Variants in MYO15A observed in about 807,000 individuals in gnomAD.
The protein encoded by MYO15A is unconventional myosin-XV.
In MYO15A, 308 loss-of-function variants were observed where a neutral mutation model predicts 394.6. The observed-to-expected ratio is 0.78, with a 90% CI of 0.71 to 0.86. The LOEUF (loss-of-function observed/expected upper bound fraction) is 0.86. MYO15A is among the 40% of genes least tolerant of loss of function. The pLI, the probability that MYO15A is intolerant of heterozygous loss-of-function variation, is 0.00. For missense variants in MYO15A, 4,606 were observed against 4,799.1 expected, an observed-to-expected ratio of 0.96 and a Z score of 1.19; for synonymous variants, 1,957 against 2,003.8, an observed-to-expected ratio of 0.98 and a Z score of 0.62.
Position 18,120,893 on chromosome 17 carries a change from G to T in MYO15A, c.2093G>T (p.Arg698Leu). The stretch of plus-strand genomic sequence containing the variant: ...CCGGCCTCGCCCTACGGCTCCCTCC[G>T]CCGCCACCCGCCGCCCTGGGCCGCC... ...PRPASPYGSLRRHPPPWAAPA... is the reference protein window; with the variant it reads ...PRPASPYGSLLRHPPPWAAPA... Residue 698 changes from arginine to leucine, a missense_variant, in exon 2 of 66, where the codon CGC (arginine) becomes CTC (leucine). By Grantham distance (102) the Arg-to-Leu change is moderately radical. This residue lies in a region of MYO15A where 1,830 missense variants were observed against 1,689.7 expected (regional missense o/e 1.08). Transcript: ENST00000647165. The T allele has an allele frequency of 7.2e-7, 1 of 1,382,660 alleles. No homozygotes were observed. The highest frequency in any genetic ancestry group is 1.5e-5 in the African/African-American group (1 of 64,804). 85.6% of individuals were successfully genotyped at this position (1,382,660 alleles called of 1,614,324 possible). A position where few individuals can be genotyped will look rare whatever the true frequency, so the allele number is the denominator to read the frequency against.
intron 61 of MYO15A, 117 bp from the exon 62 acceptor site, chr17:18,167,473 C>A: frequency 6.6e-7 from 1 of 1,520,004 alleles, no homozygotes; most frequent in Non-Finnish European, 9.0e-7. Flanking sequence ...ATAGGCCATC[C>A]TACCCCAGAA....
chr17:18,125,158 G>T lies in MYO15A; in HGVS notation c.3693-10G>T, dbSNP rs2046009338. The T allele has an allele frequency of 2.5e-6, 4 of 1,614,046 alleles. No individual in the cohort carries two copies. In the East Asian group the frequency reaches 8.9e-5, roughly 36 times the overall value. On this transcript the variant is annotated splice_polypyrimidine_tract_variant and intron_variant, in intron 3 of 65. Transcript: ENST00000647165. ...GGGGGCACTGACGGCTTCTCTCTGT[G>T]TCCTTCTAGAGACCTCCAGGAAACC... is the stretch of plus-strand genomic sequence containing the variant.
intron 47 of MYO15A, among the ~76,000 whole-genome samples, chr17:18,155,670 C>A (rs189164546): frequency 4.4e-4 from 67 of 152,276 alleles, no homozygotes; most frequent in Admixed American, 4.4e-3. Context: ...CTGCCCTCCC[C>A]CCAACCTGCA....
chr17:18,120,024 CTT>C lies in MYO15A; in HGVS notation c.1226_1227del (p.Phe409CysfsTer22), dbSNP rs1294398280. ...TTTACCCGGAGGAGTCGGCTTCGGC[CTT>C]TGTGTACCCCTGGGTACCACCGCCC... ...YFYPEESASAFVYPWVPPPIP... is the reference protein window; with the variant it reads ...YFYPEESASAXVYPWVPPPIP... On this transcript the variant is annotated frameshift_variant, in exon 2 of 66. Coordinates refer to ENST00000647165, the MANE Select transcript of MYO15A (RefSeq NM_016239.4). LOFTEE classifies it high-confidence loss of function. The C allele has an allele frequency of 1.9e-6, 3 of 1,613,546 alleles. No homozygotes were observed. The highest frequency in any genetic ancestry group is 2.5e-6 in the Non-Finnish European group (3 of 1,180,032).
At chr17:18,143,846 C>T (rs1318960897) in intron 27 of MYO15A, 24 bp from the exon 28 acceptor site, 1 of 1,571,688 alleles carries the variant, frequency 6.4e-7, no homozygotes. Context: ...AGAGCAGGCA[C>T]CGCATTCCCT....
At chr17:18,125,316 T>C (rs1354789191) in intron 4 of MYO15A, 85 bp downstream of exon 4, 27 of 1,323,630 alleles carry the variant, frequency 2.0e-5, no homozygotes, top group South Asian at 3.5e-5. Flanking sequence ...CAGATTTCTC[T>C]TGTGGGCCCT....
chr17:18,118,609 A>T lies in MYO15A; in HGVS notation c.-192A>T. On this transcript the variant is annotated 5_prime_UTR_variant, in exon 2 of 66. The change abolishes an upstream ATG in the 5' untranslated region. Coordinates refer to ENST00000647165, the MANE Select transcript of MYO15A (RefSeq NM_016239.4). ...TGAAACCCAAGGCGCTCTAGAGGAGATGAATTATGGATCCGCCCTCCCGGA... is the reference window on the plus strand; with the variant it reads ...TGAAACCCAAGGCGCTCTAGAGGAGTTGAATTATGGATCCGCCCTCCCGGA... The T allele has an allele frequency of 1.3e-6, 1 of 746,456 alleles. No individual in the cohort carries two copies. Among genetic ancestry groups the T allele is most frequent in the Non-Finnish European group, 2.1e-6 (1 of 466,612 alleles). The allele number at this position is 746,456 out of a possible 1,614,324, so 46.2% of individuals were successfully genotyped here. A position where few individuals can be genotyped will look rare whatever the true frequency, so the allele number is the denominator to read the frequency against.
chr17:18,111,453 C>T (rs2045720740), intron 1 of MYO15A, among the ~76,000 whole-genome samples: 1 of 152,122 alleles, frequency 6.6e-6, no homozygotes, highest in African/African-American at 2.4e-5. Flanking sequence ...CCCCAAGTGC[C>T]CTGCACAGTG....
At chr17:18,110,011 C>T (rs1208966365) in intron 1 of MYO15A, 1 of 152,608 alleles carries the variant, frequency 6.6e-6, no homozygotes, top group African/African-American at 2.4e-5. Context: ...TCTCGCCAGA[C>T]CTGGGTCCGA....
chr17:18,124,864 T>G (rs1327762077), intron 3 of MYO15A: 2 of 585,442 alleles, frequency 3.4e-6, no homozygotes, highest in East Asian at 5.7e-5. Context: ...TGCCAGCACA[T>G]TGGAGGTACT....
At chr17:18,154,005 A>G (rs1245983365) in intron 43 of MYO15A, 109 bp downstream of exon 43, 1 of 1,605,322 alleles carries the variant, frequency 6.2e-7, no homozygotes, top group Non-Finnish European at 8.5e-7. Context: ...GAGGACAGAA[A>G]AAGGCCGGGC....
rs772584938 is a variant in MYO15A, at chr17:18,131,354, C to G, written c.4142+12C>G. ...ATCTTTCTGGAAGGGTGAGTTGGGA[C>G]AGTGGAGGGCCTCCCAAAAGCCTTG... On this transcript the variant is annotated intron_variant, in intron 9 of 65. Coordinates refer to ENST00000647165, the MANE Select transcript of MYO15A (RefSeq NM_016239.4). 2.2e-5 allele frequency: 36 copies of G among 1,613,664 alleles called. No individual in the cohort carries two copies. The highest frequency in any genetic ancestry group is 3.0e-5 in the Non-Finnish European group (35 of 1,179,680).
chr17:18,119,090 G>A lies in MYO15A; in HGVS notation c.290G>A (p.Arg97Gln). Residue 97 changes from arginine (R) to glutamine (Q), a missense_variant, in exon 2 of 66, where the codon CGG becomes CAG. Transcript: ENST00000647165. ...CAGATGCGCATGGGCAAGAAGAAGC[G>A]GGCGATGAAGGGCAAGAAGCCGTCC... ...MTQMRMGKKKRAMKGKKPSFM... is the reference protein window; with the variant it reads ...MTQMRMGKKKQAMKGKKPSFM... 2 of 1,611,742 alleles carry A rather than the reference G, an allele frequency of 1.2e-6. No individual in the cohort carries two copies. The highest frequency in any genetic ancestry group is 1.7e-5 in the Admixed American group (1 of 59,788).
At chr17:18,149,089 G>A in intron 33 of MYO15A, 127 bp from the exon 34 acceptor site, 1 of 1,484,306 alleles carries the variant, frequency 6.7e-7, no homozygotes, top group Admixed American at 2.0e-5. Flanking sequence ...TCTTAAGGAG[G>A]TAGAGTTCAC....
At position 18,132,718 on chromosome 17, in the gene MYO15A, A is replaced by C; in HGVS notation, c.4320+152A>C. 1 of 694,698 alleles carries C rather than the reference A, an allele frequency of 1.4e-6. No individual in the cohort carries two copies. Among genetic ancestry groups the C allele is most frequent in the Non-Finnish European group, 2.5e-6 (1 of 392,660 alleles). 43.0% of individuals were successfully genotyped at this position (694,698 alleles called of 1,614,324 possible). A position where few individuals can be genotyped will look rare whatever the true frequency, so the allele number is the denominator to read the frequency against. On this transcript the variant is annotated intron_variant, in intron 11 of 65. Coordinates refer to ENST00000647165, the MANE Select transcript of MYO15A (RefSeq NM_016239.4). The surrounding 1 kb of genome is among the most constrained non-coding windows in gnomAD (Gnocchi z 4.6). ...GTTTGGATTTAAGACATCTCATGGC[A>C]GTGAGGGGGACCAGGAGTCTTCTGG...
Position 18,165,802 on chromosome 17 carries a change from G to A in MYO15A, c.9788-559G>A, listed in dbSNP as rs12602106. On this transcript the variant is annotated intron_variant, in intron 60 of 65. Transcript: ENST00000647165. ...TCTTTAGTAAGATTTTACTGCAGGT[G>A]TGAGATGGGTGGCAAAAATGTCAGT... is the stretch of plus-strand genomic sequence containing the variant. 6.7e-3 allele frequency among the ~76,000 whole-genome samples: 1,019 copies of A among 152,336 alleles called. 5 individuals are homozygous for A. The highest frequency in any genetic ancestry group is 8.2e-3 in the Non-Finnish European group (560 of 68,036).
chr17:18,148,807 G>T lies in MYO15A; in HGVS notation c.6811G>T (p.Gly2271Cys). The change falls in exon 33 of 66, where the codon GGT becomes TGT. Residue 2271 changes from glycine (G) to cysteine (C), a missense_variant. By Grantham distance (159) the Gly-to-Cys change is radical. This residue lies in a region of MYO15A where 2,776 missense variants were observed against 3,109.3 expected (regional missense o/e 0.89). Coordinates refer to ENST00000647165, the MANE Select transcript of MYO15A (RefSeq NM_016239.4). The surrounding 1 kb of genome is among the most constrained non-coding windows in gnomAD (Gnocchi z 4.8). ...CGGCTGGACCGTGGCCATGAAGAAT[G>T]GTGTCCAGTGGGCAGAGCTGGCTGG... ...WRGWTVAMKN[G>C]VQWAELAGHD... 6.2e-7 allele frequency: 1 copy of T among 1,605,266 alleles called. No individual in the cohort carries two copies. The highest frequency in any genetic ancestry group is 8.5e-7 in the Non-Finnish European group (1 of 1,175,796).
rs777443452 is a variant in MYO15A at position 18,167,624 on chromosome 17, G to C, written c.9983G>C (p.Ser3328Thr). 1 of 1,603,778 alleles carries C rather than the reference G, an allele frequency of 6.2e-7. No homozygotes were observed. The highest frequency in any genetic ancestry group is 8.5e-7 in the Non-Finnish European group (1 of 1,179,948). The change falls in exon 62 of 66, where the codon AGT (serine) becomes ACT (threonine). Residue 3328 changes from serine to threonine, a missense_variant. Physicochemically the swap from Ser to Thr is moderately conservative, Grantham distance 58. Coordinates refer to ENST00000647165, the MANE Select transcript of MYO15A (RefSeq NM_016239.4). ...LPDYLKGLFS[S>T]VPASRPSEQL... is the part of the protein sequence containing the mutation. ...GACTACCTGAAGGGACTCTTCAGCA[G>C]TGTGCCGGCCAGCCGGCCCAGCGAG...
chr17:18,127,997 CAA>C (rs764670843), intron 7 of MYO15A, among the ~76,000 whole-genome samples: 1 of 151,682 alleles, frequency 6.6e-6, no homozygotes, highest in Non-Finnish European at 1.5e-5. Flanking sequence ...ACTGAGAAGA[CAA>C]GAGAGTGGGC....
Sources: gnomAD v4.1 joint callset for allele counts (sites outside exome capture counted in the v4.1 genomes callset) on GRCh38, gnomAD v4.1.1 for gene constraint, gnomAD v4.1.1 regional missense constraint, Gnocchi (gnomAD v3.1) non-coding constraint, MANE v1.5 for transcripts, NCBI Gene and HGNC (gene_info 2026-07-23, HGNC 2026-07-21) for gene names.